Variants in MIA2 observed in about 807,000 individuals in gnomAD.
The protein encoded by MIA2 is melanoma inhibitory activity protein 2.
MIA2 carries 127 observed loss-of-function variants against 167.8 expected under a neutral mutation model. The ratio of observed to expected loss-of-function variants is 0.76; its 90% CI spans 0.66 to 0.88. The LOEUF is 0.88. Ranked by LOEUF, MIA2 falls within the 40% of genes least tolerant of loss-of-function variation. The pLI, the probability that MIA2 is intolerant of heterozygous loss-of-function variation, is 0.00. For missense variants in MIA2, 1,690 were observed against 1,624.7 expected, an observed-to-expected ratio of 1.04 and a Z score of -0.69; for synonymous variants, 552 against 541.9, an observed-to-expected ratio of 1.02 and a Z score of -0.26.
chr14:39,273,807 G>A (rs1457531096), intron 6 of MIA2, among the ~76,000 whole-genome samples: 1 of 152,102 alleles, frequency 6.6e-6, no homozygotes, highest in Non-Finnish European at 1.5e-5. Flanking sequence ...CTTGTGTGAT[G>A]TATTTGTCTG....
intron 9 of MIA2, among the ~76,000 whole-genome samples, chr14:39,284,114 A>T (rs182118774): frequency 3.4e-4 from 52 of 152,274 alleles, no homozygotes; most frequent in Non-Finnish European, 8.8e-5. Flanking sequence ...TGTGATAGTC[A>T]ATAAATTATT....
At chr14:39,236,605 G>C (rs1418258343) in intron 1 of MIA2, among the ~76,000 whole-genome samples, 4 of 152,206 alleles carry the variant, frequency 2.6e-5, no homozygotes, top group African/African-American at 9.6e-5. Flanking sequence ...CTACAGACTA[G>C]AGAATGATAA....
At chr14:39,359,000 G>T (rs899625502) in intron 23 of MIA2, among the ~76,000 whole-genome samples, 3 of 152,218 alleles carry the variant, frequency 2.0e-5, no homozygotes, top group African/African-American at 7.2e-5. Context: ...TCGGGGGTCA[G>T]GGACCCACTT....
In MIA2 at chr14:39,319,224, G is replaced by A; in HGVS notation, c.3300G>A (p.Glu1100=). 1 of 1,569,518 alleles carries A rather than the reference G, an allele frequency of 6.4e-7. No individual in the cohort carries two copies. The highest frequency in any genetic ancestry group is 8.7e-7 in the Non-Finnish European group (1 of 1,153,328). Residue 1100 remains glutamate (E), a synonymous_variant, in exon 23 of 29, where the codon GAG becomes GAA. Transcript: ENST00000640607. The part of the protein sequence containing the change: ...AHNRQKLTET[E]LKFELLEKDP... The stretch of plus-strand genomic sequence containing the variant: ...TTATTTGCAGATTAACTGAAACAGA[G>A]CTTAAATTTGAACTTTTAGAAAAAG...
At chr14:39,361,862 T>C (rs1237653672) in intron 23 of MIA2, among the ~76,000 whole-genome samples, 2 of 152,244 alleles carry the variant, frequency 1.3e-5, no homozygotes, top group Non-Finnish European at 2.9e-5. Context: ...CTTTATGATG[T>C]TGAAGAATGT....
intron 23 of MIA2, among the ~76,000 whole-genome samples, chr14:39,373,067 C>G (rs1007356398): frequency 1.3e-5 from 2 of 152,078 alleles, no homozygotes; most frequent in Admixed American, 1.3e-4. Flanking sequence ...TGATGGATAT[C>G]CCAGTTACAT....
At chr14:39,386,881 C>G (rs755167754) in intron 23 of MIA2, 4 of 827,202 alleles carry the variant, frequency 4.8e-6, no homozygotes, top group South Asian at 4.1e-5. Context: ...TTCTCTCTCA[C>G]CAGGCGCACG....
At position 39,350,504 on chromosome 14, in the gene MIA2, A is replaced by G. The variant is rs537313577; in HGVS notation, c.*240A>G. 35 of 360,976 alleles carry G rather than the reference A, an allele frequency of 9.7e-5. No homozygotes were observed. Among genetic ancestry groups the G allele is most frequent in the African/African-American group, 6.7e-4 (32 of 47,818 alleles). The allele number at this position is 360,976 out of a possible 1,614,324, so 22.4% of individuals were successfully genotyped here. ...ATTAATCCACTATTATATAAACAAT[A>G]GTGGGAGTTTTATATATGTAATCTT... On this transcript the variant is annotated 3_prime_UTR_variant, in exon 29 of 29. Transcript: ENST00000640607.
intron 28 of MIA2, 100 bp downstream of exon 28, chr14:39,349,077 G>C: frequency 2.2e-6 from 3 of 1,359,916 alleles, no homozygotes; most frequent in South Asian, 2.7e-5. Context: ...GTGGAGGAAA[G>C]TTTTTTCTAG....
At chr14:39,259,788 C>T (rs1022969688) in intron 6 of MIA2, among the ~76,000 whole-genome samples, 5 of 149,658 alleles carry the variant, frequency 3.3e-5, no homozygotes, top group South Asian at 4.2e-4. Context: ...ATACATGTGC[C>T]GTGTTGGTTT....
intron 23 of MIA2, among the ~76,000 whole-genome samples, chr14:39,357,577 G>C (rs1242751645): frequency 1.3e-5 from 2 of 152,158 alleles, no homozygotes; most frequent in Non-Finnish European, 2.9e-5. Flanking sequence ...TGTTATGTGT[G>C]AATTTGACCC....
intron 12 of MIA2, 97 bp downstream of exon 12, chr14:39,294,168 A>T: frequency 1.3e-6 from 1 of 799,834 alleles, no homozygotes; most frequent in Non-Finnish European, 2.0e-6. Flanking sequence ...AGGATTTGAG[A>T]TATAGGGGAT....
rs563570408 is a variant in MIA2, at chr14:39,261,451, C to T, written c.1887+8280C>T. 6.2e-4 allele frequency among the ~76,000 whole-genome samples: 94 copies of T among 152,268 alleles called. 1 individual carries two copies. Among genetic ancestry groups the T allele is most frequent in the African/African-American group, 2.1e-3 (86 of 41,534 alleles). On this transcript the variant is annotated intron_variant, in intron 6 of 28. Transcript: ENST00000640607. ...TGTGAATAGTGCTGCAATAAACATACGTGTGCAGGTGCCTTTATAGCAGCA... is the reference window on the plus strand; with the variant it reads ...TGTGAATAGTGCTGCAATAAACATATGTGTGCAGGTGCCTTTATAGCAGCA...
At chr14:39,279,399 T>C in intron 8 of MIA2, 41 bp downstream of exon 8, 1 of 1,603,438 alleles carries the variant, frequency 6.2e-7, no homozygotes, top group Non-Finnish European at 8.5e-7. Context: ...TGTTGTGTTG[T>C]AAAAACTTAT....
Position 39,347,755 on chromosome 14 carries a change from C to A in MIA2, c.3821C>A (p.Thr1274Asn), listed in dbSNP as rs2073626561. The A allele has an allele frequency of 7.5e-6, 12 of 1,607,714 alleles. No homozygotes were observed. Among genetic ancestry groups the A allele is most frequent in the South Asian group, 1.1e-5 (1 of 90,918 alleles). ...PSEMESSRNDTKDDLGNLNVP... is the reference protein window; with the variant it reads ...PSEMESSRNDNKDDLGNLNVP... The stretch of plus-strand genomic sequence containing the variant: ...GAAATGGAATCCAGTAGAAATGATA[C>A]CAAAGATGATCTTGGTGTAAGTATT... Residue 1274 changes from threonine (T) to asparagine (N), a missense_variant, in exon 27 of 29, where the codon ACC (threonine) becomes AAC (asparagine). Physicochemically the swap from Thr to Asn is moderately conservative, Grantham distance 65. Coordinates refer to ENST00000640607, the MANE Select transcript of MIA2 (RefSeq NM_001329214.4).
intron 4 of MIA2, 58 bp from the exon 5 acceptor site, chr14:39,252,690 G>C: frequency 7.5e-7 from 1 of 1,328,524 alleles, no homozygotes; most frequent in Non-Finnish European, 1.0e-6. Context: ...AAACAAAAGG[G>C]GAGCCCTCAA....
At chr14:39,282,742 T>C (rs751556687) in intron 9 of MIA2, among the ~76,000 whole-genome samples, 4 of 152,150 alleles carry the variant, frequency 2.6e-5, no homozygotes, top group Non-Finnish European at 5.9e-5. Context: ...TTGCCTGATT[T>C]TTAAATTTTT....
At chr14:39,330,759 T>C (rs1033216876) in intron 25 of MIA2, among the ~76,000 whole-genome samples, 5 of 152,354 alleles carry the variant, frequency 3.3e-5, no homozygotes, top group African/African-American at 1.2e-4. Flanking sequence ...TCAGTTTCCA[T>C]GTAGCTGTGC....
chr14:39,282,170 TC>T (rs1447949272), intron 9 of MIA2, among the ~76,000 whole-genome samples: 1 of 152,192 alleles, frequency 6.6e-6, no homozygotes, highest in Non-Finnish European at 1.5e-5. Flanking sequence ...GGTGCTGTCG[TC>T]TCTCTTCAGT....
Sources: allele counts gnomAD v4.1 joint callset (sites outside exome capture counted in the v4.1 genomes callset), GRCh38; gene constraint gnomAD v4.1.1; transcripts MANE v1.5; gene names NCBI Gene and HGNC (gene_info 2026-07-23, HGNC 2026-07-21).